CADM2: variants seen among roughly 807,000 people sequenced by gnomAD.
The protein encoded by CADM2 is cell adhesion molecule 2, also known as immunoglobulin superfamily member 4D.
Under a neutral mutation model 49.8 loss-of-function variants are expected in CADM2, and 12 were observed. That is an observed-to-expected ratio of 0.24 (90% CI 0.15 to 0.39). The LOEUF (loss-of-function observed/expected upper bound fraction) is 0.39. Among genes scored for constraint, CADM2 ranks in the 10% least tolerant of loss-of-function variants. The probability of loss-of-function intolerance (pLI) is 1.00; values close to 1 mark genes in which losing one functional copy is unlikely to be tolerated. For missense variants in CADM2, 378 were observed against 492.3 expected, an observed-to-expected ratio of 0.77 and a Z score of 2.20; for synonymous variants, 214 against 175.4, an observed-to-expected ratio of 1.22 and a Z score of -1.74.
intron 1 of CADM2, among the ~76,000 whole-genome samples, chr3:85,114,397 G>T (rs2038567864): frequency 6.6e-6 from 1 of 152,058 alleles, no homozygotes; most frequent in Non-Finnish European, 1.5e-5. Context: ...CAGGTAGTTG[G>T]TTCTCTTGTC....
chr3:85,899,661 A>G (rs1178792561), intron 5 of CADM2, among the ~76,000 whole-genome samples: 1 of 152,172 alleles, frequency 6.6e-6, no homozygotes, highest in East Asian at 1.9e-4. Context: ...TTAAAAATTT[A>G]TTAAGTGAGA....
At chr3:84,981,856 G>A (rs1158863298) in intron 1 of CADM2, among the ~76,000 whole-genome samples, 1 of 152,156 alleles carries the variant, frequency 6.6e-6, no homozygotes. Context: ...ACTGAAGTGG[G>A]AACTGTTGCC....
chr3:85,660,844 T>C (rs2065379152), intron 1 of CADM2, among the ~76,000 whole-genome samples: 1 of 152,034 alleles, frequency 6.6e-6, no homozygotes, highest in Non-Finnish European at 1.5e-5. Flanking sequence ...TGCACTTTTT[T>C]CCCTCCGTCT....
intron 1 of CADM2, among the ~76,000 whole-genome samples, chr3:85,431,615 A>AG (rs2036669282): frequency 1.3e-5 from 2 of 150,918 alleles, no homozygotes; most frequent in South Asian, 4.2e-4. Context: ...AAGGACCCTG[A>AG]GGAGAAGGAA....
At chr3:85,693,908 G>GA (rs2066469609) in intron 1 of CADM2, among the ~76,000 whole-genome samples, 2 of 112,406 alleles carry the variant, frequency 1.8e-5, no homozygotes, top group South Asian at 2.8e-4. Context: ...AAAAAAAAAA[G>GA]AAAAAAGAAA....
intron 1 of CADM2, among the ~76,000 whole-genome samples, chr3:85,305,446 A>G (rs897522936): frequency 4.0e-5 from 6 of 151,742 alleles, no homozygotes; most frequent in African/African-American, 1.4e-4. Context: ...TAGAAAATTA[A>G]TGCAAGCAAT....
At chr3:85,409,551 A>C (rs1320493562) in intron 1 of CADM2, among the ~76,000 whole-genome samples, 1 of 152,140 alleles carries the variant, frequency 6.6e-6, no homozygotes, top group Admixed American at 6.6e-5. Context: ...ATATTGCCAC[A>C]GATAATGAAT....
At chr3:85,181,544 T>C (rs2040934272) in intron 1 of CADM2, among the ~76,000 whole-genome samples, 1 of 152,068 alleles carries the variant, frequency 6.6e-6, no homozygotes, top group African/African-American at 2.4e-5. Context: ...GCCATGTAAA[T>C]TGAGAATTGA....
chr3:85,364,421 C>T (rs1559801597), intron 1 of CADM2, among the ~76,000 whole-genome samples: 2 of 151,954 alleles, frequency 1.3e-5, no homozygotes, highest in Admixed American at 1.3e-4. Context: ...GGTGTTTTTC[C>T]TCAGTAGAAT....
chr3:85,155,988 G>A (rs978857367), intron 1 of CADM2, among the ~76,000 whole-genome samples: 5 of 152,130 alleles, frequency 3.3e-5, no homozygotes, highest in African/African-American at 9.7e-5. Context: ...AGAGAAAGCA[G>A]GAAAGATCCA....
At chr3:85,013,347 G>A (rs891243817) in intron 1 of CADM2, among the ~76,000 whole-genome samples, 82 of 151,866 alleles carry the variant, frequency 5.4e-4, no homozygotes, top group Non-Finnish European at 9.6e-4. Flanking sequence ...CTTCACCTAG[G>A]CATTAAAACT....
At chr3:85,539,813 G>A (rs533917010) in intron 1 of CADM2, among the ~76,000 whole-genome samples, 2 of 152,184 alleles carry the variant, frequency 1.3e-5, no homozygotes, top group South Asian at 2.1e-4. Flanking sequence ...ACAAGGTGAA[G>A]CTGAATAAAT....
intron 1 of CADM2, among the ~76,000 whole-genome samples, chr3:85,715,553 C>T (rs569470540): frequency 3.5e-4 from 53 of 152,202 alleles, no homozygotes; most frequent in African/African-American, 1.2e-3. Flanking sequence ...ATGTGCAGAA[C>T]GTGCAGGTTT....
At chr3:85,638,371 A>C (rs2064585185) in intron 1 of CADM2, among the ~76,000 whole-genome samples, 1 of 152,178 alleles carries the variant, frequency 6.6e-6, no homozygotes, top group Non-Finnish European at 1.5e-5. Context: ...CTCTCAAATA[A>C]ATATCTCCAC....
intron 8 of CADM2, among the ~76,000 whole-genome samples, chr3:86,007,818 G>GA (rs1266279013): frequency 2.0e-5 from 3 of 151,990 alleles, no homozygotes; most frequent in African/African-American, 4.8e-5. Context: ...AGTAAGTGTG[G>GA]AAAAAAATAA....
At chr3:86,066,016 T>G (rs1739266269) in intron 9 of CADM2, among the ~76,000 whole-genome samples, 1 of 152,108 alleles carries the variant, frequency 6.6e-6, no homozygotes, top group African/African-American at 2.4e-5. Flanking sequence ...TATCTAGAAC[T>G]GAAATCCAAC....
At chr3:86,017,066 G>C (rs372607686) in intron 8 of CADM2, among the ~76,000 whole-genome samples, 2 of 151,136 alleles carry the variant, frequency 1.3e-5, no homozygotes, top group East Asian at 3.9e-4. Flanking sequence ...ATTGCTTTAA[G>C]CTTTTACAGA....
At chr3:84,994,851 A>T (rs1213279550) in intron 1 of CADM2, among the ~76,000 whole-genome samples, 9 of 152,118 alleles carry the variant, frequency 5.9e-5, no homozygotes, top group Non-Finnish European at 1.3e-4. Flanking sequence ...ACACAGTGAA[A>T]CCGTGTCTCT....
At chr3:85,465,970 G>C (rs953764272) in intron 1 of CADM2, among the ~76,000 whole-genome samples, 6 of 152,182 alleles carry the variant, frequency 3.9e-5, no homozygotes, top group Admixed American at 1.3e-4. Flanking sequence ...GTTAAAGCAA[G>C]TAACACTACA....
Sources: gnomAD v4.1 joint callset for allele counts (sites outside exome capture counted in the v4.1 genomes callset) on GRCh38, gnomAD v4.1.1 for gene constraint, MANE v1.5 for transcripts, NCBI Gene and HGNC (gene_info 2026-07-23, HGNC 2026-07-21) for gene names.